The following PITRM1 variants were observed in gnomAD, a reference collection of about 807,000 sequenced individuals.
PITRM1 encodes pitrilysin metallopeptidase 1, also known as presequence protease, mitochondrial.
PITRM1 carries 100 observed loss-of-function variants against 129.9 expected under a neutral mutation model. That is an observed-to-expected ratio of 0.77 (90% CI 0.65 to 0.91). The LOEUF (loss-of-function observed/expected upper bound fraction) is 0.91, where lower values mean the gene tolerates loss of function less well. Among genes scored for constraint, PITRM1 ranks in the 40% least tolerant of loss-of-function variants. The pLI is 0.00. For missense variants in PITRM1, 1,471 were observed against 1,318.3 expected (o/e 1.12, Z -1.79); for synonymous variants, 591 against 508.8 (o/e 1.16, Z -2.17).
Position 3,165,351 on chromosome 10 carries a change from A to C in PITRM1, c.534-17T>G. The C allele has an allele frequency of 1.3e-6, 2 of 1,596,458 alleles. No individual in the cohort carries two copies. Among genetic ancestry groups the C allele is most frequent in the Non-Finnish European group, 1.7e-6 (2 of 1,171,560 alleles). ...CCTTCCTGCCTGAGGACAAATCATT[A>C]TAAGCTGATAGTGACTCAAATACTA... On this transcript the variant is annotated splice_polypyrimidine_tract_variant and intron_variant, in intron 5 of 26. Coordinates refer to ENST00000224949, the MANE Select transcript of PITRM1 (RefSeq NM_014889.4).
chr10:3,161,786 TATATACATATACAGAA>T (rs1383434032), intron 7 of PITRM1, among the ~76,000 whole-genome samples: 2 of 149,908 alleles, frequency 1.3e-5, no homozygotes, highest in Non-Finnish European at 3.0e-5. Flanking sequence ...TAATCTCAAA[TATATACATATACAGAA>T]ATATTTCTGT....
chr10:3,157,038 ATCATGGT>A lies in PITRM1; in HGVS notation c.1367_1373del (p.Asn456MetfsTer8). On this transcript the variant is annotated frameshift_variant, in exon 13 of 27. Coordinates refer to ENST00000224949, the MANE Select transcript of PITRM1 (RefSeq NM_014889.4). LOFTEE classifies it high-confidence loss of function. ...ACTTCAAGAGCTCCACAGGGTCCCC[ATCATGGT>A]TCCAGCAAGAAGCTATGTACTGGAA... 1 of 1,610,310 alleles carries A rather than the reference ATCATGGT, an allele frequency of 6.2e-7. No homozygotes were observed. Among genetic ancestry groups the A allele is most frequent in the Non-Finnish European group, 8.5e-7 (1 of 1,179,028 alleles).
chr10:3,167,911 C>A (rs1006806405), intron 2 of PITRM1: 5 of 152,070 alleles, frequency 3.3e-5, no homozygotes, highest in African/African-American at 4.8e-5. Flanking sequence ...TAGAAATGCC[C>A]ACAAGACAGA....
intron 6 of PITRM1, 192 bp from the exon 7 acceptor site, chr10:3,164,077 T>G: frequency 2.7e-6 from 1 of 371,368 alleles, no homozygotes; most frequent in African/African-American, 2.1e-5. Flanking sequence ...TATTCAATCA[T>G]TCATCACCCA....
Position 3,138,024 on chromosome 10 carries a change from C to T in PITRM1, c.*7G>A, listed in dbSNP as rs1309688889. 15 of 1,572,346 alleles carry T rather than the reference C, an allele frequency of 9.5e-6. No individual in the cohort carries two copies. The highest frequency in any genetic ancestry group is 1.2e-5 in the Non-Finnish European group (14 of 1,148,446). On this transcript the variant is annotated 3_prime_UTR_variant, in exon 27 of 27. Coordinates refer to ENST00000224949, the MANE Select transcript of PITRM1 (RefSeq NM_014889.4). ...CGGGCTCCTGTGCAGTCGAGCGCCA[C>T]GGCTGCTCATTGGATGATCCAGGAT...
intron 2 of PITRM1, chr10:3,167,805 G>T (rs76888045): frequency 0.021 from 3,173 of 152,336 alleles, 45 homozygotes; most frequent in Middle Eastern, 0.058. Context: ...GAGGCTCTAG[G>T]ATCAGCCTTT....
intron 14 of PITRM1, among the ~76,000 whole-genome samples, chr10:3,154,390 G>A (rs1303300718): frequency 6.6e-6 from 1 of 152,142 alleles, no homozygotes; most frequent in Non-Finnish European, 1.5e-5. Context: ...CGTTTCCTAG[G>A]TGGCCACACC....
chr10:3,159,586 C>T (rs565766192), intron 9 of PITRM1, among the ~76,000 whole-genome samples: 1 of 152,350 alleles, frequency 6.6e-6, no homozygotes, highest in East Asian at 1.9e-4. Flanking sequence ...GCAGTCTTTT[C>T]TCTGTAGGAA....
intron 14 of PITRM1, among the ~76,000 whole-genome samples, chr10:3,152,199 A>G (rs1841582280): frequency 6.6e-6 from 1 of 151,924 alleles, no homozygotes; most frequent in African/African-American, 2.4e-5. Context: ...TTCACAGCAG[A>G]CTCCTCCACT....
intron 22 of PITRM1, chr10:3,143,953 A>T (rs1840553350): frequency 3.9e-6 from 2 of 519,448 alleles, no homozygotes; most frequent in African/African-American, 3.8e-5. Context: ...CTCCACTGGC[A>T]TCGACTCAGC....
chr10:3,159,362 C>T (rs1842248801), intron 9 of PITRM1, among the ~76,000 whole-genome samples: 1 of 152,238 alleles, frequency 6.6e-6, no homozygotes, highest in African/African-American at 2.4e-5. Flanking sequence ...GGAGAGGTGC[C>T]AGCCACGGAG....
intron 24 of PITRM1, among the ~76,000 whole-genome samples, chr10:3,139,482 A>G (rs1301895579): frequency 6.6e-6 from 1 of 152,212 alleles, no homozygotes; most frequent in Non-Finnish European, 1.5e-5. Context: ...GGGCCAATCC[A>G]GACTTCCCTT....
intron 6 of PITRM1, 124 bp from the exon 7 acceptor site, chr10:3,164,009 C>T: frequency 3.8e-6 from 2 of 521,966 alleles, no homozygotes; most frequent in Non-Finnish European, 3.1e-6. Flanking sequence ...GCAAATAAAG[C>T]TGTTCTAATG....
At position 3,168,826 on chromosome 10, in the gene PITRM1, A is replaced by AG. The variant is rs1300596944; in HGVS notation, c.159+1277_159+1278insC. Among the ~76,000 whole-genome samples the AG allele has an allele frequency of 2.0e-5, 3 of 152,108 alleles. No individual in the cohort carries two copies. The South Asian group carries it at 6.2e-4, about 31-fold the overall frequency. On this transcript the variant is annotated intron_variant, in intron 2 of 26. Transcript: ENST00000224949. ...ATTACCCAGTCTTGGGTATTTCTTC[A>AG]TAGCAGTGTGAGACTAGACTAATAC...
chr10:3,143,415 G>T lies in PITRM1; in HGVS notation c.2619C>A (p.Val873=), dbSNP rs1564389594. The T allele has an allele frequency of 1.2e-6, 2 of 1,612,202 alleles. No individual in the cohort carries two copies. The highest frequency in any genetic ancestry group is 1.7e-6 in the Non-Finnish European group (2 of 1,178,262). The change falls in exon 23 of 27, where the codon GTC becomes GTA. Residue 873 remains valine (V), a synonymous_variant. Transcript: ENST00000224949. ...TGGCATGATCTGGGTCCGTGTAGGG[G>T]ACAGTTCGGATGCATTCACCCACGT... is the stretch of plus-strand genomic sequence containing the variant. ...VNYVGECIRT[V]PYTDPDHASL...
intron 21 of PITRM1, chr10:3,145,104 G>A (rs925984104): frequency 1.9e-5 from 3 of 155,918 alleles, no homozygotes; most frequent in African/African-American, 7.2e-5. Context: ...AGACACCAAC[G>A]GAGAAGACAT....
At chr10:3,171,147 TAAAAA>T (rs1169315061) in intron 1 of PITRM1, among the ~76,000 whole-genome samples, 1 of 49,204 alleles carries the variant, frequency 2.0e-5, no homozygotes, top group African/African-American at 8.0e-5. Flanking sequence ...ATCGTTCAAT[TAAAAA>T]AAAAAAAAAA....
At position 3,138,568 on chromosome 10, in the gene PITRM1, C is replaced by T. The variant is rs1477582518; in HGVS notation, c.2918-231G>A. On this transcript the variant is annotated intron_variant, in intron 25 of 26. Coordinates refer to ENST00000224949, the MANE Select transcript of PITRM1 (RefSeq NM_014889.4). ...TGCAGCAGGGATGCAGTCAGCGCCG[C>T]GTGAGGCTGATGATGCTGTGAGCAA... The T allele has an allele frequency of 1.8e-5, 11 of 604,290 alleles. No individual in the cohort carries two copies. In the East Asian group the frequency reaches 1.9e-4, roughly 11 times the overall value. 37.4% of individuals were successfully genotyped at this position (604,290 alleles called of 1,614,324 possible).
chr10:3,170,324 T>A, intron 1 of PITRM1, 118 bp from the exon 2 acceptor site: 1 of 696,628 alleles, frequency 1.4e-6, no homozygotes, highest in Non-Finnish European at 2.4e-6. Context: ...AAATTAAATA[T>A]TGCATCTTCC....
Sources: gnomAD v4.1 joint callset for allele counts (sites outside exome capture counted in the v4.1 genomes callset) on GRCh38, gnomAD v4.1.1 for gene constraint, MANE v1.5 for transcripts, NCBI Gene and HGNC (gene_info 2026-07-23, HGNC 2026-07-21) for gene names.